Variants in PIR observed in about 807,000 individuals in gnomAD.
PIR encodes pirin (iron-binding nuclear protein).
Under a neutral mutation model 24.2 loss-of-function variants are expected in PIR, and 22 were observed. The ratio of observed to expected loss-of-function variants is 0.91; its 90% CI spans 0.65 to 1.30. PIR has a LOEUF of 1.30. Among genes scored for constraint, PIR ranks in the 50% most tolerant of loss-of-function variants. The pLI is 0.00. For missense variants in PIR, 220 were observed against 220.3 expected (o/e 1.00, Z 0.01); for synonymous variants, 80 against 79.6 (o/e 1.00, Z -0.03).
chrX:15,475,805 A>G (rs1281477503), intron 3 of PIR, among the ~76,000 whole-genome samples: 1 of 111,899 alleles, frequency 8.9e-6, no homozygotes, highest in Non-Finnish European at 1.9e-5. Flanking sequence ...TTGAAAAACA[A>G]TCCTCCCCAG....
chrX:15,439,911 T>C (rs1363983817), intron 5 of PIR, among the ~76,000 whole-genome samples: 1 of 111,840 alleles, frequency 8.9e-6, no homozygotes, highest in African/African-American at 3.3e-5. Context: ...TTGGGCTTTT[T>C]AGAATCCCTT....
At chrX:15,482,631 T>A (rs1300324068) in intron 2 of PIR, among the ~76,000 whole-genome samples, 1 of 112,161 alleles carries the variant, frequency 8.9e-6, no homozygotes, top group African/African-American at 3.2e-5. Flanking sequence ...ATATATTATC[T>A]TTTAATACAT....
At chrX:15,393,854 C>T (rs1237091700) in intron 8 of PIR, among the ~76,000 whole-genome samples, 1 of 104,945 alleles carries the variant, frequency 9.5e-6, no homozygotes, top group African/African-American at 3.5e-5. Flanking sequence ...CGGATGGGAC[C>T]ATCTAGTTGC....
intron 2 of PIR, among the ~76,000 whole-genome samples, chrX:15,484,721 A>T (rs1233219168): frequency 9.0e-6 from 1 of 111,588 alleles, no homozygotes; most frequent in East Asian, 2.8e-4. Context: ...GTTATTGAAA[A>T]CTGAAGGAAA....
At chrX:15,427,545 C>A (rs1487311268) in intron 5 of PIR, among the ~76,000 whole-genome samples, 1 of 110,252 alleles carries the variant, frequency 9.1e-6, no homozygotes, top group Non-Finnish European at 1.9e-5. Context: ...TCAGGGCCAA[C>A]CCACTATGTC....
At chrX:15,418,154 T>C (rs753669034) in intron 6 of PIR, among the ~76,000 whole-genome samples, 11 of 111,731 alleles carry the variant, frequency 9.8e-5, no homozygotes, top group Non-Finnish European at 1.9e-4. Context: ...CAGCTCTCCA[T>C]TTTTAACATT....
chrX:15,403,080 T>C (rs1320218501), intron 7 of PIR, among the ~76,000 whole-genome samples: 1 of 110,978 alleles, frequency 9.0e-6, no homozygotes, highest in African/African-American at 3.3e-5. Context: ...GTATTCACCA[T>C]AGAATGAAGA....
intron 3 of PIR, among the ~76,000 whole-genome samples, chrX:15,469,859 A>G (rs751474961): frequency 1.8e-5 from 2 of 111,441 alleles, no homozygotes; most frequent in African/African-American, 3.3e-5. Context: ...AAGTGAGAGC[A>G]CTATTTTGGA....
At chrX:15,404,117 G>A (rs144894386) in intron 7 of PIR, among the ~76,000 whole-genome samples, 1 of 108,665 alleles carries the variant, frequency 9.2e-6, no homozygotes, top group Non-Finnish European at 1.9e-5. Flanking sequence ...CTCCTGCCTC[G>A]GCCTCCCGTG....
At chrX:15,439,260 C>A (rs1925840936) in intron 5 of PIR, among the ~76,000 whole-genome samples, 1 of 112,456 alleles carries the variant, frequency 8.9e-6, no homozygotes, top group African/African-American at 3.2e-5. Context: ...CCAGTCTGCA[C>A]AGATGTGCTG....
At chrX:15,425,293 TG>T (rs1209963164) in intron 6 of PIR, among the ~76,000 whole-genome samples, 2 of 110,714 alleles carry the variant, frequency 1.8e-5, no homozygotes, top group Non-Finnish European at 3.8e-5. Context: ...AGTGTTTGGG[TG>T]GCCTTGAGCA....
At chrX:15,433,607 G>A (rs896046432) in intron 5 of PIR, among the ~76,000 whole-genome samples, 3 of 100,759 alleles carry the variant, frequency 3.0e-5, no homozygotes, top group African/African-American at 7.3e-5. Context: ...AAAGAGAGGA[G>A]GAAGGAGAAA....
intron 6 of PIR, among the ~76,000 whole-genome samples, chrX:15,415,486 T>C (rs906068366): frequency 1.8e-5 from 2 of 112,110 alleles, no homozygotes; most frequent in East Asian, 2.8e-4. Context: ...TATCTTACCA[T>C]ACATGAAAAC....
At chrX:15,399,741 C>G (rs760201286) in intron 7 of PIR, among the ~76,000 whole-genome samples, 13 of 111,171 alleles carry the variant, frequency 1.2e-4, no homozygotes, top group Non-Finnish European at 2.3e-4. Context: ...TTAGAGCAGG[C>G]CTGCTACTAG....
At chrX:15,455,772 G>A (rs1921055135) in intron 5 of PIR, 76 bp downstream of exon 5, 16 of 816,142 alleles carry the variant, frequency 2.0e-5, no homozygotes, top group Non-Finnish European at 3.0e-5. Flanking sequence ...AACCTAGTGA[G>A]AGCTAACAAT....
intron 5 of PIR, among the ~76,000 whole-genome samples, chrX:15,454,992 C>T (rs1921027058): frequency 1.8e-5 from 2 of 112,440 alleles, no homozygotes; most frequent in African/African-American, 6.5e-5. Context: ...AGGACTCTGC[C>T]TGAGATGGCA....
At chrX:15,473,108 C>A (rs1243269565) in intron 3 of PIR, among the ~76,000 whole-genome samples, 1 of 112,532 alleles carries the variant, frequency 8.9e-6, no homozygotes. Context: ...ATGTCATTCT[C>A]CTTAATGACT....
intron 3 of PIR, among the ~76,000 whole-genome samples, chrX:15,471,342 G>A (rs1479165039): frequency 8.9e-6 from 1 of 112,159 alleles, no homozygotes; most frequent in African/African-American, 3.2e-5. Context: ...GAGAACCACT[G>A]ACATAGACAG....
At chrX:15,449,663 T>C (rs1407326079) in intron 5 of PIR, among the ~76,000 whole-genome samples, 1 of 112,450 alleles carries the variant, frequency 8.9e-6, no homozygotes, top group East Asian at 2.8e-4. Context: ...AATTTAACAT[T>C]GAATATTACA....
Sources: allele counts gnomAD v4.1 joint callset (sites outside exome capture counted in the v4.1 genomes callset), GRCh38; gene constraint gnomAD v4.1.1; transcripts MANE v1.5; gene names NCBI Gene and HGNC (gene_info 2026-07-23, HGNC 2026-07-21).